The following RNF213 variants were observed in gnomAD, a reference collection of about 807,000 sequenced individuals.
RNF213 encodes ring finger protein 213.
RNF213 carries 341 observed loss-of-function variants against 514.4 expected under a neutral mutation model. The observed-to-expected ratio is 0.66, with a 90% CI of 0.61 to 0.73. The LOEUF (loss-of-function observed/expected upper bound fraction) is 0.73. RNF213 is among the 30% of genes least tolerant of loss of function. RNF213 has a pLI of 0.00. For synonymous variants in RNF213, 2,655 were observed against 2,658.2 expected (o/e 1.00, Z 0.04); for missense variants, 5,767 against 6,615.6 (o/e 0.87, Z 4.45).
chr17:80,288,879 C>G lies in RNF213; in HGVS notation c.933+124C>G, dbSNP rs2044574130. The G allele has an allele frequency of 2.0e-6, 3 of 1,535,398 alleles. No individual in the cohort carries two copies. Among genetic ancestry groups the G allele is most frequent in the African/African-American group, 1.4e-5 (1 of 73,212 alleles). Reference sequence around the variant, plus strand: ...ATATAGCCATGATTCAGACAAAGCTCTGGCCTTCGGGGTGCTCACATTCCA... The same window carrying G: ...ATATAGCCATGATTCAGACAAAGCTGTGGCCTTCGGGGTGCTCACATTCCA... On this transcript the variant is annotated intron_variant, in intron 5 of 67. Transcript: ENST00000582970. The surrounding 1 kb of genome is among the most constrained non-coding windows in gnomAD (Gnocchi z 4.9).
Position 80,273,413 on chromosome 17 carries a change from A to G in RNF213, c.261+9A>G. ...CCTGGACCGTCCAAGAAGTGAGTGC[A>G]CTGCCTCGGCTCCCCTCCGCCCCCG... is the stretch of plus-strand genomic sequence containing the variant. On this transcript the variant is annotated intron_variant, in intron 3 of 67. Transcript: ENST00000582970. 1.2e-6 allele frequency: 2 copies of G among 1,611,736 alleles called. No individual in the cohort carries two copies. The highest frequency in any genetic ancestry group is 1.7e-6 in the Non-Finnish European group (2 of 1,179,780).
chr17:80,286,141 C>T (rs2044464283), intron 3 of RNF213, among the ~76,000 whole-genome samples: 1 of 152,162 alleles, frequency 6.6e-6, no homozygotes, highest in African/African-American at 2.4e-5. Flanking sequence ...GTGCTTGCTC[C>T]CTGGAATGGG....
chr17:80,292,614 A>G (rs35786093), intron 8 of RNF213, among the ~76,000 whole-genome samples: 60,124 of 151,324 alleles, frequency 0.4, 12,469 homozygotes, highest in East Asian at 0.55. Flanking sequence ...CCCATCTGTC[A>G]ATAGACGCGG....
intron 46 of RNF213, among the ~76,000 whole-genome samples, chr17:80,370,476 A>G: frequency 6.6e-6 from 1 of 152,208 alleles, no homozygotes; most frequent in Non-Finnish European, 1.5e-5. Flanking sequence ...ACTTATGATG[A>G]TGTTACAAAA....
At position 80,288,588 on chromosome 17, in the gene RNF213, CT is replaced by C; in HGVS notation, c.811-44del. 1 of 1,614,056 alleles carries C rather than the reference CT, an allele frequency of 6.2e-7. No individual in the cohort carries two copies. Among genetic ancestry groups the C allele is most frequent in the Non-Finnish European group, 8.5e-7 (1 of 1,180,030 alleles). ...CTTAAACCATTGAGTCGGAGTCACC[CT>C]GGCCCATTTTGTCACCTTGGCTCTG... On this transcript the variant is annotated intron_variant, in intron 4 of 67. Transcript: ENST00000582970. This position sits in a 1 kb window ranked among gnomAD's most constrained non-coding sequence, Gnocchi z 4.9.
In RNF213 at chr17:80,381,616, G is replaced by A. The variant is rs1464629876; in HGVS notation, c.13867G>A (p.Asp4623Asn). The change falls in exon 57 of 68, where the codon GAC (aspartate) becomes AAC (asparagine). Residue 4623 changes from aspartate (D) to asparagine (N), a missense_variant. Physicochemically the swap from Asp to Asn is conservative, Grantham distance 23. Coordinates refer to ENST00000582970, the MANE Select transcript of RNF213 (RefSeq NM_001256071.3). ...CTTTCTGCAGCAGCACATCCTGAAGGACCTGGAGCAGTTGGCCAAGATGCT... is the reference window on the plus strand; with the variant it reads ...CTTTCTGCAGCAGCACATCCTGAAGAACCTGGAGCAGTTGGCCAAGATGCT... The part of the protein sequence containing the change: ...KGFLQQHILK[D>N]LEQLAKMLGH... 6 of 1,614,230 alleles carry A rather than the reference G, an allele frequency of 3.7e-6. No homozygotes were observed. The South Asian group carries it at 5.5e-5, about 15-fold the overall frequency.
intron 50 of RNF213, 150 bp from the exon 51 acceptor site, chr17:80,375,610 T>G: frequency 2.2e-5 from 15 of 673,246 alleles, no homozygotes; most frequent in Middle Eastern, 6.8e-4. Context: ...GGAGGCTGAG[T>G]TAGAATCGCT....
intron 26 of RNF213, among the ~76,000 whole-genome samples, chr17:80,342,351 C>T (rs2144092224): frequency 6.6e-6 from 1 of 152,226 alleles, no homozygotes; most frequent in East Asian, 1.9e-4. Context: ...TGCCTGCTGT[C>T]CTGCGGAGGC....
chr17:80,286,223 C>T (rs2044466709), intron 3 of RNF213, among the ~76,000 whole-genome samples: 1 of 150,334 alleles, frequency 6.7e-6, no homozygotes, highest in South Asian at 2.1e-4. Flanking sequence ...GTGTTGGACG[C>T]AGGCCGAGCG....
chr17:80,384,009 A>G (rs1398582342), intron 59 of RNF213, 81 bp downstream of exon 59: 1 of 1,536,928 alleles, frequency 6.5e-7, no homozygotes, highest in Middle Eastern at 1.9e-4. Context: ...GCTTTTACGT[A>G]GTATAATCAT....
chr17:80,351,398 T>C (rs1184372241), intron 31 of RNF213, among the ~76,000 whole-genome samples: 1 of 152,136 alleles, frequency 6.6e-6, no homozygotes, highest in African/African-American at 2.4e-5. Context: ...GAGCACAAGA[T>C]AGGGTTTCTG....
Position 80,340,235 on chromosome 17 carries a change from C to A in RNF213, c.5868C>A (p.Leu1956=). 6.2e-7 allele frequency: 1 copy of A among 1,614,120 alleles called. No homozygotes were observed. The highest frequency in any genetic ancestry group is 8.5e-7 in the Non-Finnish European group (1 of 1,180,004). Residue 1956 remains leucine (L), a synonymous_variant, in exon 26 of 68, where the codon CTC becomes CTA. Transcript: ENST00000582970. ...HKVFVTPQAP[L]EAIQAYLAGH... is the part of the protein sequence containing the mutation. ...TCTTCGTCACCCCCCAGGCACCCCT[C>A]GAGGCCATCCAAGCCTACCTGGCAG... is the stretch of plus-strand genomic sequence containing the variant.
rs767748024 is a variant in RNF213, at chr17:80,347,984, G to A, written c.9649G>A (p.Val3217Ile). 28 of 1,614,044 alleles carry A rather than the reference G, an allele frequency of 1.7e-5. No homozygotes were observed. The highest frequency in any genetic ancestry group is 1.6e-4 in the Middle Eastern group (1 of 6,084). ...QKRHKYSPSDVFIGYHSDACA... is the reference protein window; with the variant it reads ...QKRHKYSPSDIFIGYHSDACA... Reference sequence around the variant, plus strand: ...GAGGCACAAATACAGCCCCTCTGACGTCTTCATCGGCTACCACTCGGACGC... The same window carrying A: ...GAGGCACAAATACAGCCCCTCTGACATCTTCATCGGCTACCACTCGGACGC... Residue 3217 changes from valine to isoleucine, a missense_variant, in exon 29 of 68, where the codon GTC (valine) becomes ATC (isoleucine). Physicochemically the swap from Val to Ile is conservative, Grantham distance 29. Coordinates refer to ENST00000582970, the MANE Select transcript of RNF213 (RefSeq NM_001256071.3). The surrounding 1 kb of genome is among the most constrained non-coding windows in gnomAD (Gnocchi z 7.2).
At chr17:80,319,459 G>A (rs776374993) in intron 17 of RNF213, 147 bp downstream of exon 17, 3 of 1,614,064 alleles carry the variant, frequency 1.9e-6, no homozygotes, top group African/African-American at 1.3e-5. Context: ...CCCTCGCCAA[G>A]GGCAATGGCG....
Position 80,351,989 on chromosome 17 carries a change from G to A in RNF213, c.10303+186G>A, listed in dbSNP as rs867947079. The A allele has an allele frequency of 8.7e-5, 41 of 471,432 alleles. No homozygotes were observed. The Middle Eastern group carries it at 1.9e-3, about 22-fold the overall frequency. 29.2% of individuals were successfully genotyped at this position (471,432 alleles called of 1,614,324 possible). ...CCTGCCTCAGCCTCCCAAGTAGCTG[G>A]CATTACAGGCGTGCGCCACCATGCC... is the stretch of plus-strand genomic sequence containing the variant. On this transcript the variant is annotated intron_variant, in intron 32 of 67. Transcript: ENST00000582970.
Position 80,369,867 on chromosome 17 carries a change from G to C in RNF213, c.12425G>C (p.Ser4142Thr). Reference sequence around the variant, plus strand: ...ATACTGAAACTGCTTTTGAAGTACAGGTAAGAACAACATGGAGACTTGCTT... The same window carrying C: ...ATACTGAAACTGCTTTTGAAGTACACGTAAGAACAACATGGAGACTTGCTT... ...SVILKLLLKY[S>T]FHDVKDYIQE... The change falls in exon 46 of 68, where the codon AGC becomes ACC. Residue 4142 changes from serine to threonine, a missense_variant and splice_region_variant. This residue lies in a region of RNF213 where 1,245 missense variants were observed against 1,339.0 expected (regional missense o/e 0.93). Coordinates refer to ENST00000582970, the MANE Select transcript of RNF213 (RefSeq NM_001256071.3). The C allele has an allele frequency of 6.3e-7, 1 of 1,595,544 alleles. No homozygotes were observed. The highest frequency in any genetic ancestry group is 8.6e-7 in the Non-Finnish European group (1 of 1,163,356).
At chr17:80,304,436 C>G (rs1390357374) in intron 11 of RNF213, among the ~76,000 whole-genome samples, 1 of 152,018 alleles carries the variant, frequency 6.6e-6, no homozygotes. Context: ...GTCAGGAGAT[C>G]GAGACAAGCC....
Position 80,347,359 on chromosome 17 carries a change from C to T in RNF213, c.9024C>T (p.Cys3008=). The change falls in exon 29 of 68, where the codon TGC becomes TGT. Residue 3008 remains cysteine (C), a synonymous_variant. Coordinates refer to ENST00000582970, the MANE Select transcript of RNF213 (RefSeq NM_001256071.3). This position sits in a 1 kb window ranked among gnomAD's most constrained non-coding sequence, Gnocchi z 7.2. Reference sequence around the variant, plus strand: ...TGGCCAATTTGCCCGAGGCCAAGTGCTCAGAGGAAGTCAGCCCCATGCAGC... The same window carrying T: ...TGGCCAATTTGCCCGAGGCCAAGTGTTCAGAGGAAGTCAGCCCCATGCAGC... The part of the protein sequence containing the change: ...IFLANLPEAK[C]SEEVSPMQLI... 6.2e-7 allele frequency: 1 copy of T among 1,613,940 alleles called. No homozygotes were observed. Among genetic ancestry groups the T allele is most frequent in the Non-Finnish European group, 8.5e-7 (1 of 1,180,040 alleles).
chr17:80,281,761 G>C lies in RNF213; in HGVS notation c.262-6054G>C, dbSNP rs187009909. Among the ~76,000 whole-genome samples the C allele has an allele frequency of 4.9e-4, 74 of 152,062 alleles. No individual in the cohort carries two copies. In the South Asian group the frequency reaches 0.015, roughly 32 times the overall value. On this transcript the variant is annotated intron_variant, in intron 3 of 67. Transcript: ENST00000582970. ...CCCACAGGGGGTCGGTTCCAGGACC[G>C]CGGAGGACGCCAAAATCCAAGGATG...
Sources: gnomAD v4.1 joint callset for allele counts (sites outside exome capture counted in the v4.1 genomes callset) on GRCh38, gnomAD v4.1.1 for gene constraint, gnomAD v4.1.1 regional missense constraint, Gnocchi (gnomAD v3.1) non-coding constraint, MANE v1.5 for transcripts, NCBI Gene and HGNC (gene_info 2026-07-23, HGNC 2026-07-21) for gene names.